The following SH3GL3 variants were observed in gnomAD, a reference collection of about 807,000 sequenced individuals.
SH3GL3 encodes the protein SH3 domain containing GRB2 like 3, endophilin A3.
A neutral mutation model predicts 47.7 loss-of-function variants in SH3GL3; 33 were observed. The observed-to-expected ratio is 0.69, with a 90% CI of 0.52 to 0.92. The LOEUF is 0.92. Among genes scored for constraint, SH3GL3 ranks in the 40% least tolerant of loss-of-function variants. The pLI is 0.00. For synonymous variants in SH3GL3, 155 were observed against 148.8 expected, an observed-to-expected ratio of 1.04 and a Z score of -0.30; for missense variants, 363 against 417.8, an observed-to-expected ratio of 0.87 and a Z score of 1.14.
At chr15:83,568,490 T>A (rs574460748) in intron 3 of SH3GL3, 39 bp from the exon 4 acceptor site, 1 of 1,582,006 alleles carries the variant, frequency 6.3e-7, no homozygotes, top group South Asian at 1.1e-5. Flanking sequence ...TCACTCCACC[T>A]TGTAACTTTA....
chr15:83,597,146 G>A (rs549529493), intron 8 of SH3GL3, among the ~76,000 whole-genome samples: 69 of 152,174 alleles, frequency 4.5e-4, no homozygotes, highest in Non-Finnish European at 9.0e-4. Flanking sequence ...CACACAGGGT[G>A]GAATCTGTTT....
At chr15:83,596,876 C>T (rs979076795) in intron 8 of SH3GL3, among the ~76,000 whole-genome samples, 9 of 152,074 alleles carry the variant, frequency 5.9e-5, no homozygotes, top group Non-Finnish European at 1.3e-4. Context: ...TGTCCTTCCT[C>T]GGACAAAAAG....
chr15:83,541,303 G>A (rs796178647), intron 1 of SH3GL3, among the ~76,000 whole-genome samples: 4 of 126,200 alleles, frequency 3.2e-5, no homozygotes, highest in African/African-American at 1.1e-4. Flanking sequence ...TGGATCATAT[G>A]GTAATTCTAT....
At chr15:83,560,588 G>C (rs1016417195) in intron 2 of SH3GL3, among the ~76,000 whole-genome samples, 1 of 152,138 alleles carries the variant, frequency 6.6e-6, no homozygotes, top group Non-Finnish European at 1.5e-5. Flanking sequence ...TTGATGGATT[G>C]AGATCCTTCT....
intron 1 of SH3GL3, among the ~76,000 whole-genome samples, chr15:83,468,186 T>C (rs1567243739): frequency 6.6e-6 from 1 of 152,224 alleles, no homozygotes; most frequent in Non-Finnish European, 1.5e-5. Context: ...TATGAAGATA[T>C]AATTGTTTTT....
intron 1 of SH3GL3, among the ~76,000 whole-genome samples, chr15:83,514,806 C>T (rs2042913445): frequency 1.3e-5 from 2 of 152,120 alleles, no homozygotes; most frequent in East Asian, 3.9e-4. Context: ...TTATTCGCAG[C>T]TGTCATAGGT....
Position 83,566,553 on chromosome 15 carries a change from T to C in SH3GL3, c.187+1347T>C, listed in dbSNP as rs144936544. Among the ~76,000 whole-genome samples the C allele has an allele frequency of 5.5e-3, 843 of 152,320 alleles. 8 individuals are homozygous for C. The highest frequency in any genetic ancestry group is 0.018 in the African/African-American group (757 of 41,568). On this transcript the variant is annotated intron_variant, in intron 3 of 8. Coordinates refer to ENST00000427482, the MANE Select transcript of SH3GL3 (RefSeq NM_003027.5). ...ACTTTGGGAGGCCAAGGCATGATGA[T>C]TGCTTGAAGCCAAGAGTTCAAGACC...
At chr15:83,615,659 G>A (rs190585153) in intron 8 of SH3GL3, among the ~76,000 whole-genome samples, 277 of 152,194 alleles carry the variant, frequency 1.8e-3, no homozygotes, top group Non-Finnish European at 2.8e-3. Flanking sequence ...ATATGGTACT[G>A]TTACCAAAAT....
intron 1 of SH3GL3, among the ~76,000 whole-genome samples, chr15:83,488,994 T>C (rs1432277093): frequency 6.6e-6 from 1 of 152,264 alleles, no homozygotes; most frequent in African/African-American, 2.4e-5. Context: ...TCTGAAGCTA[T>C]GATGCTGTGC....
chr15:83,601,880 T>A (rs989277962), intron 8 of SH3GL3, among the ~76,000 whole-genome samples: 7 of 151,520 alleles, frequency 4.6e-5, no homozygotes, highest in African/African-American at 1.7e-4. Context: ...TTGCTGCTTG[T>A]TATTGGTCTG....
intron 1 of SH3GL3, among the ~76,000 whole-genome samples, chr15:83,487,201 CT>C (rs1358154717): frequency 9.2e-6 from 1 of 108,550 alleles, no homozygotes; most frequent in East Asian, 2.1e-4. Flanking sequence ...ACCGGTTTAC[CT>C]GTTTTTTTTT....
chr15:83,529,491 A>G (rs1440081740), intron 1 of SH3GL3, among the ~76,000 whole-genome samples: 2 of 151,892 alleles, frequency 1.3e-5, no homozygotes, highest in Non-Finnish European at 2.9e-5. Context: ...CAGGAGTACA[A>G]AGATACCAGT....
the SH3GL3 span, among the ~76,000 whole-genome samples, chr15:83,633,056 G>A: frequency 6.6e-6 from 1 of 152,136 alleles, no homozygotes; most frequent in Non-Finnish European, 1.5e-5. Flanking sequence ...CCAAGTATTG[G>A]ATAGGAAATG....
intron 3 of SH3GL3, among the ~76,000 whole-genome samples, chr15:83,566,365 AGTGTGTGTGTGT>A (rs57323112): frequency 1.9e-4 from 26 of 136,694 alleles, no homozygotes; most frequent in East Asian, 1.3e-3. Flanking sequence ...AGAGAGAGAG[AGTGTGTGTGTGT>A]GTGTGTGTGT....
At chr15:83,478,395 T>C (rs779652743) in intron 1 of SH3GL3, among the ~76,000 whole-genome samples, 5 of 152,224 alleles carry the variant, frequency 3.3e-5, no homozygotes, top group Non-Finnish European at 7.3e-5. Flanking sequence ...CTGTCTGCAC[T>C]GGCACTTGCT....
chr15:83,537,568 C>A (rs376010589), intron 1 of SH3GL3, among the ~76,000 whole-genome samples: 2 of 152,030 alleles, frequency 1.3e-5, no homozygotes, highest in African/African-American at 4.8e-5. Flanking sequence ...ATAGAGATGG[C>A]GTGTGGGGAT....
chr15:83,493,796 A>G (rs1039706431), intron 1 of SH3GL3, among the ~76,000 whole-genome samples: 7 of 152,192 alleles, frequency 4.6e-5, no homozygotes, highest in Non-Finnish European at 1.0e-4. Flanking sequence ...CTGGAGACAG[A>G]GGTCAGGCCA....
At chr15:83,594,228 G>A (rs2060183393) in intron 8 of SH3GL3, among the ~76,000 whole-genome samples, 1 of 152,088 alleles carries the variant, frequency 6.6e-6, no homozygotes, top group Non-Finnish European at 1.5e-5. Context: ...CCTTTTTTTG[G>A]TATCTGTTGA....
rs1330683642 is a variant in SH3GL3 at position 83,618,680 on chromosome 15, T to C, written c.*393T>C. 1 of 198,744 alleles carries C rather than the reference T, an allele frequency of 5.0e-6. No individual in the cohort carries two copies. Among genetic ancestry groups the C allele is most frequent in the Non-Finnish European group, 1.0e-5 (1 of 95,260 alleles). The allele number at this position is 198,744 out of a possible 1,614,324, so 12.3% of individuals were successfully genotyped here. The stretch of plus-strand genomic sequence containing the variant: ...TTCCTGATGACGTCTGGTCTTTTCT[T>C]TTCATTGTATTTTAAGCTTACCTGT... On this transcript the variant is annotated 3_prime_UTR_variant, in exon 9 of 9. Coordinates refer to ENST00000427482, the MANE Select transcript of SH3GL3 (RefSeq NM_003027.5).
Sources: gnomAD v4.1 joint callset for allele counts (sites outside exome capture counted in the v4.1 genomes callset) on GRCh38, gnomAD v4.1.1 for gene constraint, MANE v1.5 for transcripts, NCBI Gene and HGNC (gene_info 2026-07-23, HGNC 2026-07-21) for gene names.